ITPRIP: variants seen among roughly 807,000 people sequenced by gnomAD.
The protein encoded by ITPRIP is inositol 1,4,5-trisphosphate receptor interacting protein.
Under a neutral mutation model 35.8 loss-of-function variants are expected in ITPRIP, and 32 were observed. The observed-to-expected ratio is 0.89, with a 90% CI of 0.68 to 1.20. The LOEUF (loss-of-function observed/expected upper bound fraction) is 1.20, where lower values mean the gene tolerates loss of function less well. ITPRIP is among the 50% of genes most tolerant of loss of function. The pLI is 0.00. For synonymous variants in ITPRIP, 358 were observed against 324.0 expected (o/e 1.11, Z -1.13); for missense variants, 653 against 735.6 (o/e 0.89, Z 1.30).
At chr10:104,335,947 C>G (rs1187811410) in intron 1 of ITPRIP, among the ~76,000 whole-genome samples, 1 of 148,342 alleles carries the variant, frequency 6.7e-6, no homozygotes, top group Non-Finnish European at 1.5e-5. Flanking sequence ...AAAAAAAAAG[C>G]CTGGCGAATG....
intron 1 of ITPRIP, among the ~76,000 whole-genome samples, chr10:104,323,131 C>T (rs1439516869): frequency 6.6e-6 from 1 of 152,142 alleles, no homozygotes; most frequent in Non-Finnish European, 1.5e-5. Flanking sequence ...AAGAGGCAGG[C>T]TGGGTATCAT....
In ITPRIP at chr10:104,310,206, CTTGAG is replaced by C. The variant is rs924813551; in HGVS notation, c.*4197_*4201del. 8 of 152,276 alleles carry C rather than the reference CTTGAG, an allele frequency of 5.3e-5. No individual in the cohort carries two copies. Among genetic ancestry groups the C allele is most frequent in the Non-Finnish European group, 8.8e-5 (6 of 68,152 alleles). The allele number at this position is 152,276 out of a possible 1,614,324, so 9.4% of individuals were successfully genotyped here. ...GTTCTGAATCACAGCCTTGGGGTGG[CTTGAG>C]TTAAGACTTCCTGGACATTCACCAA... On this transcript the variant is annotated 3_prime_UTR_variant, in exon 2 of 2. Coordinates refer to ENST00000337478, the MANE Select transcript of ITPRIP (RefSeq NM_001272013.2).
At chr10:104,331,173 T>A (rs554216360) in intron 1 of ITPRIP, among the ~76,000 whole-genome samples, 6 of 151,914 alleles carry the variant, frequency 3.9e-5, no homozygotes, top group African/African-American at 1.4e-4. Flanking sequence ...TGTGTTGGGG[T>A]GAAATGTCAG....
rs1048686956 is a variant in ITPRIP, at chr10:104,311,495, G to C, written c.*2913C>G. The C allele has an allele frequency of 2.0e-5, 3 of 152,226 alleles. No homozygotes were observed. Among genetic ancestry groups the C allele is most frequent in the Non-Finnish European group, 4.4e-5 (3 of 68,110 alleles). 9.4% of individuals were successfully genotyped at this position (152,226 alleles called of 1,614,324 possible). ...ATGGACCAGGTTGTCTGGGTGATTC[G>C]GATGACACCCTTGATGATGAACCAG... On this transcript the variant is annotated 3_prime_UTR_variant, in exon 2 of 2. Coordinates refer to ENST00000337478, the MANE Select transcript of ITPRIP (RefSeq NM_001272013.2).
At position 104,326,112 on chromosome 10, in the gene ITPRIP, G is replaced by A. The variant is rs2014002277; in HGVS notation, c.-13-10048C>T. Among the ~76,000 whole-genome samples, 1 of 152,180 alleles carries A rather than the reference G, an allele frequency of 6.6e-6. No individual in the cohort carries two copies. Among genetic ancestry groups the A allele is most frequent in the African/African-American group, 2.4e-5 (1 of 41,448 alleles). On this transcript the variant is annotated intron_variant, in intron 1 of 1. Transcript: ENST00000337478. The surrounding 1 kb of genome is among the most constrained non-coding windows in gnomAD (Gnocchi z 4.8). ...CTCACAGGAGGTGCTGCTCACACCC[G>A]TCCAAAGCATTAAGTGCTCTCAAGG...
At chr10:104,322,426 A>T (rs1258761190) in intron 1 of ITPRIP, among the ~76,000 whole-genome samples, 1 of 152,214 alleles carries the variant, frequency 6.6e-6, no homozygotes, top group East Asian at 1.9e-4. Flanking sequence ...CGTGCTTAGC[A>T]GCAACAGTGC....
At chr10:104,334,084 C>T (rs2014198715) in intron 1 of ITPRIP, among the ~76,000 whole-genome samples, 1 of 152,200 alleles carries the variant, frequency 6.6e-6, no homozygotes, top group Non-Finnish European at 1.5e-5. Context: ...AGTGGTGGAG[C>T]CAGGACTCAA....
At chr10:104,329,834 C>T (rs1589895488) in intron 1 of ITPRIP, among the ~76,000 whole-genome samples, 1 of 152,346 alleles carries the variant, frequency 6.6e-6, no homozygotes, top group Admixed American at 6.5e-5. Flanking sequence ...GTAAATGATA[C>T]TGCTGTTGGC....
rs370463300 is a variant in ITPRIP at position 104,310,670 on chromosome 10, G to A, written c.*3738C>T. On this transcript the variant is annotated 3_prime_UTR_variant, in exon 2 of 2. Transcript: ENST00000337478. Reference sequence around the variant, plus strand: ...CATGGAACTGTGTGCATTAACAAATGTGTGTGCGGAACGGTGCCTGCCATA... The same window carrying A: ...CATGGAACTGTGTGCATTAACAAATATGTGTGCGGAACGGTGCCTGCCATA... 6 of 152,178 alleles carry A rather than the reference G, an allele frequency of 3.9e-5. No homozygotes were observed. Among genetic ancestry groups the A allele is most frequent in the East Asian group, 3.9e-4 (2 of 5,186 alleles). The allele number at this position is 152,178 out of a possible 1,614,324, so 9.4% of individuals were successfully genotyped here. A position where few individuals can be genotyped will look rare whatever the true frequency, so the allele number is the denominator to read the frequency against.
Position 104,312,911 on chromosome 10 carries a change from C to G in ITPRIP, c.*1497G>C, listed in dbSNP as rs2013523769. ...ACTCCCTGGCCCCCTGCAAGGGTAA[C>G]TGAAGTAACGGTGAGATAGGAAATC... On this transcript the variant is annotated 3_prime_UTR_variant, in exon 2 of 2. Coordinates refer to ENST00000337478, the MANE Select transcript of ITPRIP (RefSeq NM_001272013.2). The G allele has an allele frequency of 1.0e-6, 1 of 985,346 alleles. No homozygotes were observed. The highest frequency in any genetic ancestry group is 1.2e-6 in the Non-Finnish European group (1 of 829,960). 61.0% of individuals were successfully genotyped at this position (985,346 alleles called of 1,614,324 possible).
chr10:104,323,115 G>C (rs562475963), intron 1 of ITPRIP, among the ~76,000 whole-genome samples: 4 of 152,216 alleles, frequency 2.6e-5, no homozygotes, highest in Middle Eastern at 3.2e-3. Context: ...AGGGTGGGTG[G>C]AGTAGAAGAG....
In ITPRIP at chr10:104,310,365, CA is replaced by C; in HGVS notation, c.*4042del. 1 of 152,240 alleles carries C rather than the reference CA, an allele frequency of 6.6e-6. No individual in the cohort carries two copies. The highest frequency in any genetic ancestry group is 3.4e-3 in the Middle Eastern group (1 of 296). 9.4% of individuals were successfully genotyped at this position (152,240 alleles called of 1,614,324 possible). A position where few individuals can be genotyped will look rare whatever the true frequency, so the allele number is the denominator to read the frequency against. On this transcript the variant is annotated 3_prime_UTR_variant, in exon 2 of 2. Coordinates refer to ENST00000337478, the MANE Select transcript of ITPRIP (RefSeq NM_001272013.2). ...GGGTGAATCAAGTTACTGTCTCACT[CA>C]AAACCCGCCAATGGCCCACCTCTGC...
At chr10:104,320,085 T>G (rs139847915) in intron 1 of ITPRIP, among the ~76,000 whole-genome samples, 2,358 of 152,280 alleles carry the variant, frequency 0.015, 58 homozygotes, top group African/African-American at 0.054. Flanking sequence ...CTGCCTATTG[T>G]CAGGAAAATC....
intron 1 of ITPRIP, among the ~76,000 whole-genome samples, chr10:104,335,647 T>G (rs1190278674): frequency 1.3e-5 from 2 of 152,118 alleles, no homozygotes; most frequent in African/African-American, 4.8e-5. Flanking sequence ...TTCCCCTCCT[T>G]CCTCCACCTG....
chr10:104,337,932 G>T (rs2014270508), intron 1 of ITPRIP, among the ~76,000 whole-genome samples: 1 of 152,200 alleles, frequency 6.6e-6, no homozygotes, highest in African/African-American at 2.4e-5. Context: ...TCCCGCTCTG[G>T]GCTCCGAGGC....
intron 1 of ITPRIP, among the ~76,000 whole-genome samples, chr10:104,319,721 TC>T (rs2013796512): frequency 1.3e-5 from 2 of 151,736 alleles, no homozygotes; most frequent in Non-Finnish European, 2.9e-5. Context: ...CTCTGGTACT[TC>T]CCCTTCCCAA....
rs1441356145 is a variant in ITPRIP, at chr10:104,312,221, A to AGT, written c.*2186_*2187insAC. 6.6e-6 allele frequency: 1 copy of AGT among 152,554 alleles called. No individual in the cohort carries two copies. Among genetic ancestry groups the AGT allele is most frequent in the Non-Finnish European group, 1.5e-5 (1 of 68,038 alleles). The allele number at this position is 152,554 out of a possible 1,614,324, so 9.5% of individuals were successfully genotyped here. A position where few individuals can be genotyped will look rare whatever the true frequency, so the allele number is the denominator to read the frequency against. On this transcript the variant is annotated 3_prime_UTR_variant, in exon 2 of 2. Coordinates refer to ENST00000337478, the MANE Select transcript of ITPRIP (RefSeq NM_001272013.2). Reference sequence around the variant, plus strand: ...CCCCACTGCTTTCTGCTTTAGAAGCAGCTTTGGTGCAGAAAAGATTCCCGT... The same window carrying AGT: ...CCCCACTGCTTTCTGCTTTAGAAGCAGTGCTTTGGTGCAGAAAAGATTCCCGT...
intron 1 of ITPRIP, among the ~76,000 whole-genome samples, chr10:104,329,754 C>A (rs2014111245): frequency 6.6e-6 from 1 of 152,238 alleles, no homozygotes; most frequent in African/African-American, 2.4e-5. Context: ...CTTGGCTCTA[C>A]AACTTGCTAT....
rs934326395 is a variant in ITPRIP at position 104,326,161 on chromosome 10, T to A, written c.-13-10097A>T. 2.6e-5 allele frequency among the ~76,000 whole-genome samples: 4 copies of A among 151,870 alleles called. No individual in the cohort carries two copies. Among genetic ancestry groups the A allele is most frequent in the African/African-American group, 9.7e-5 (4 of 41,322 alleles). ...GGCCCACTCTCGGGAGAGGGAGCGG[T>A]TTCAAGAAGTCACCAGAATGCCAAC... On this transcript the variant is annotated intron_variant, in intron 1 of 1. Coordinates refer to ENST00000337478, the MANE Select transcript of ITPRIP (RefSeq NM_001272013.2). This position sits in a 1 kb window ranked among gnomAD's most constrained non-coding sequence, Gnocchi z 4.8.
Sources: gnomAD v4.1 joint callset for allele counts (sites outside exome capture counted in the v4.1 genomes callset) on GRCh38, gnomAD v4.1.1 for gene constraint, Gnocchi (gnomAD v3.1) non-coding constraint, MANE v1.5 for transcripts, NCBI Gene and HGNC (gene_info 2026-07-23, HGNC 2026-07-21) for gene names.